The following ZBED6 variants were observed in gnomAD, a reference collection of about 807,000 sequenced individuals.
ZBED6 encodes zinc finger BED-type containing 6.
In ZBED6, 40 loss-of-function variants were observed where a neutral mutation model predicts 58.4. The observed-to-expected ratio is 0.68, with a 90% CI of 0.53 to 0.89. The LOEUF (loss-of-function observed/expected upper bound fraction) is 0.89. Among genes scored for constraint, ZBED6 ranks in the 40% least tolerant of loss-of-function variants. ZBED6 has a pLI of 0.00. For synonymous variants in ZBED6, 439 were observed against 350.6 expected (o/e 1.25, Z -2.82); for missense variants, 1,057 against 1,003.9 (o/e 1.05, Z -0.71).
chr1:203,818,424 C>G (rs1171315803), intron 2 of ZBED6, 146 bp from the exon 3 acceptor site: 3 of 1,077,242 alleles, frequency 2.8e-6, no homozygotes, highest in Non-Finnish European at 3.9e-6. Context: ...CGGTTTGTTC[C>G]TGTCATTCCA....
At chr1:203,800,247 C>A in exon 1 of ZBED6, 1 of 1,196,694 alleles carries the variant, frequency 8.4e-7, no homozygotes, top group South Asian at 1.3e-5. Context: ...TCTAAGTTGC[C>A]CCATGTGTAG....
At chr1:203,813,474 A>G (rs1367858985) in intron 1 of ZBED6, among the ~76,000 whole-genome samples, 1 of 152,092 alleles carries the variant, frequency 6.6e-6, no homozygotes, top group African/African-American at 2.4e-5. Flanking sequence ...CTGTGTCTAA[A>G]ATTATTTTTT....
exon 12 of ZBED6, chr1:203,847,406 G>C: frequency 6.2e-7 from 1 of 1,613,878 alleles, no homozygotes; most frequent in Non-Finnish European, 8.5e-7. Context: ...GAAGCAGAGA[G>C]ACAAAAAAGC....
intron 8 of ZBED6, 70 bp downstream of exon 8, chr1:203,831,841 G>T: frequency 7.9e-7 from 1 of 1,272,048 alleles, no homozygotes; most frequent in South Asian, 1.4e-5. Context: ...AAAATCCTTG[G>T]GTATCTTTTA....
rs142248061 is a variant in ZBED6, at chr1:203,797,767, C to T, written c.245C>T (p.Ala82Val). The change falls in exon 1 of 17, where the codon GCC (alanine) becomes GTC (valine). Residue 82 changes from alanine to valine, a missense_variant. Ala to Val is a moderately conservative substitution (Grantham distance 64). Transcript: ENST00000550078. ...AGGCGTCGAAAAAAATTGATTCTTG[C>T]CAAAAAGTTTAGTAAGGATTTGGGA... The T allele has an allele frequency of 1.6e-3, 2,478 of 1,535,610 alleles. 7 individuals carry two copies. The highest frequency in any genetic ancestry group is 0.012 in the Middle Eastern group (73 of 5,990).
chr1:203,839,408 T>G (rs527300330), intron 10 of ZBED6, among the ~76,000 whole-genome samples: 1 of 152,354 alleles, frequency 6.6e-6, no homozygotes, highest in Non-Finnish European at 1.5e-5. Context: ...TTTTTTCTGC[T>G]TGTATGACTT....
Position 203,840,923 on chromosome 1 carries a change from C to T in ZBED6, c.*3741+549C>T, listed in dbSNP as rs542986917. On this transcript the variant is annotated intron_variant, in intron 11 of 16. Coordinates refer to ENST00000550078, the Ensembl canonical transcript of ZBED6. ...TCCTGGGATTACAGGCACGAGCCAC[C>T]GCACCCGGCTAAATAGTAGGAAATT... is the stretch of plus-strand genomic sequence containing the variant. 8.5e-5 allele frequency among the ~76,000 whole-genome samples: 13 copies of T among 152,158 alleles called. No homozygotes were observed. In the East Asian group the frequency reaches 1.9e-3, roughly 23 times the overall value.
chr1:203,844,841 CT>C (rs1290882634), intron 11 of ZBED6, among the ~76,000 whole-genome samples: 1 of 152,152 alleles, frequency 6.6e-6, no homozygotes, highest in East Asian at 1.9e-4. Context: ...CCTCCCTCCC[CT>C]TTTTCTGCTT....
intron 2 of ZBED6, among the ~76,000 whole-genome samples, chr1:203,818,050 T>C (rs574995839): frequency 2.6e-4 from 39 of 152,192 alleles, no homozygotes; most frequent in African/African-American, 8.4e-4. Flanking sequence ...CCCGGTGATA[T>C]TATGTTTTAA....
chr1:203,803,643 T>A (rs528380515), intron 1 of ZBED6, among the ~76,000 whole-genome samples: 1 of 152,234 alleles, frequency 6.6e-6, no homozygotes. Context: ...TTGTGCTCTG[T>A]CACTGAGGCT....
At chr1:203,825,732 G>A (rs976326564) in intron 3 of ZBED6, among the ~76,000 whole-genome samples, 11 of 151,934 alleles carry the variant, frequency 7.2e-5, no homozygotes, top group African/African-American at 2.7e-4. Context: ...GCATGTGGAG[G>A]ATATTACTAA....
At chr1:203,828,093 A>G (rs1681150838) in intron 3 of ZBED6, among the ~76,000 whole-genome samples, 1 of 152,202 alleles carries the variant, frequency 6.6e-6, no homozygotes, top group South Asian at 2.1e-4. Context: ...GGAAAGAATA[A>G]CATAAACTAC....
Position 203,840,159 on chromosome 1 carries a change from G to A in ZBED6, c.*3673-147G>A, listed in dbSNP as rs552306750. The A allele has an allele frequency of 2.2e-4, 152 of 694,210 alleles. 2 individuals are homozygous for A. In the South Asian group the frequency reaches 2.8e-3, roughly 13 times the overall value. The allele number at this position is 694,210 out of a possible 1,614,324, so 43.0% of individuals were successfully genotyped here. On this transcript the variant is annotated intron_variant, in intron 10 of 16. Transcript: ENST00000550078. ...TCACCATGTTGGCCAGGCTGGCCTT[G>A]AAGTCCTGACCTCAAGTGATCAGCC...
exon 1 of ZBED6, chr1:203,797,591 T>G (rs866273459): frequency 3.9e-6 from 6 of 1,534,416 alleles, no homozygotes; most frequent in African/African-American, 1.4e-5. Flanking sequence ...ACACTTTTAG[T>G]GATTCTGGGA....
intron 7 of ZBED6, among the ~76,000 whole-genome samples, chr1:203,830,704 G>A (rs895407842): frequency 6.6e-6 from 1 of 151,986 alleles, no homozygotes; most frequent in Non-Finnish European, 1.5e-5. Context: ...AGCTACTCGG[G>A]AGGCTGAGGC....
At chr1:203,848,234 T>C (rs900166081) in intron 12 of ZBED6, 97 bp from the exon 13 acceptor site, 15 of 991,288 alleles carry the variant, frequency 1.5e-5, no homozygotes, top group Non-Finnish European at 2.3e-5. Flanking sequence ...ATTTGTCCTG[T>C]CTTACTACTT....
intron 3 of ZBED6, among the ~76,000 whole-genome samples, chr1:203,822,399 C>A (rs1009701677): frequency 6.6e-6 from 1 of 151,858 alleles, no homozygotes; most frequent in African/African-American, 2.4e-5. Flanking sequence ...TCTTTCTCAC[C>A]CTGCTTGGAC....
At chr1:203,805,637 G>A (rs1672067064) in intron 1 of ZBED6, 1 of 695,468 alleles carries the variant, frequency 1.4e-6, no homozygotes, top group Admixed American at 1.8e-5. Context: ...AGGGATCTGT[G>A]GCAATCCAAA....
At chr1:203,849,578 CAAAT>C (rs1688777856) in intron 13 of ZBED6, 129 bp from the exon 14 acceptor site, 5 of 855,618 alleles carry the variant, frequency 5.8e-6, no homozygotes, top group East Asian at 2.4e-5. Flanking sequence ...TATTTAACAT[CAAAT>C]AAAGAGCTTT....
Sources: gnomAD v4.1 joint callset for allele counts (sites outside exome capture counted in the v4.1 genomes callset) on GRCh38, gnomAD v4.1.1 for gene constraint, MANE v1.5 for transcripts, NCBI Gene and HGNC (gene_info 2026-07-23, HGNC 2026-07-21) for gene names.